Variants in ALK observed in about 807,000 individuals in gnomAD.
ALK encodes ALK receptor tyrosine kinase.
A neutral mutation model predicts 163.1 loss-of-function variants in ALK; 74 were observed. That is an observed-to-expected ratio of 0.45 (90% CI 0.38 to 0.55). ALK has a LOEUF of 0.55. ALK is among the 20% of genes least tolerant of loss of function. The probability of loss-of-function intolerance (pLI) is 0.00; values close to 1 mark genes in which losing one functional copy is unlikely to be tolerated. For synonymous variants in ALK, 960 were observed against 843.2 expected (o/e 1.14, Z -2.40); for missense variants, 2,063 against 2,105.3 (o/e 0.98, Z 0.39).
chr2:29,744,013 A>G (rs1031635641), intron 1 of ALK, among the ~76,000 whole-genome samples: 2 of 151,980 alleles, frequency 1.3e-5, no homozygotes, highest in African/African-American at 4.8e-5. Flanking sequence ...AGGCTCTCAG[A>G]GAACATTGGG....
chr2:29,722,192 T>G (rs1006859962), intron 1 of ALK, among the ~76,000 whole-genome samples: 3 of 152,228 alleles, frequency 2.0e-5, no homozygotes, highest in African/African-American at 7.2e-5. Context: ...AGGAAACGTC[T>G]CCTTTTCCGG....
intron 3 of ALK, among the ~76,000 whole-genome samples, chr2:29,690,300 A>G (rs764616139): frequency 9.2e-5 from 14 of 152,138 alleles, no homozygotes; most frequent in Non-Finnish European, 1.9e-4. Flanking sequence ...GCACAACAAA[A>G]CAAAGCAAAA....
intron 9 of ALK, among the ~76,000 whole-genome samples, chr2:29,288,352 C>T (rs990758711): frequency 3.3e-5 from 5 of 152,180 alleles, no homozygotes; most frequent in African/African-American, 9.7e-5. Flanking sequence ...GGGTCCTGAC[C>T]ACACACCCAT....
At chr2:29,615,520 G>A (rs1258733481) in intron 3 of ALK, among the ~76,000 whole-genome samples, 1 of 152,214 alleles carries the variant, frequency 6.6e-6, no homozygotes, top group Non-Finnish European at 1.5e-5. Flanking sequence ...CTTCGAGATA[G>A]TGTCGAACTC....
At chr2:29,623,779 A>C (rs189726885) in intron 3 of ALK, among the ~76,000 whole-genome samples, 1 of 152,254 alleles carries the variant, frequency 6.6e-6, no homozygotes, top group Admixed American at 6.5e-5. Context: ...TTCTTAGTCT[A>C]TATTTCAACA....
chr2:29,858,062 T>C (rs1558521294), intron 1 of ALK, among the ~76,000 whole-genome samples: 1 of 7,382 alleles, frequency 1.4e-4, no homozygotes, highest in Admixed American at 1.1e-3. Flanking sequence ...TGTGTGCATG[T>C]GTGTGTGTGT....
chr2:29,376,963 T>A (rs1668767725), intron 5 of ALK, among the ~76,000 whole-genome samples: 1 of 152,154 alleles, frequency 6.6e-6, no homozygotes, highest in Admixed American at 6.5e-5. Context: ...TGCTACCCAT[T>A]TTTTCCTGGA....
At chr2:29,692,812 G>C (rs1024615114) in intron 3 of ALK, among the ~76,000 whole-genome samples, 3 of 152,206 alleles carry the variant, frequency 2.0e-5, no homozygotes, top group African/African-American at 7.2e-5. Context: ...CAATTGTGTT[G>C]ATGGCAATAG....
intron 3 of ALK, among the ~76,000 whole-genome samples, chr2:29,577,384 T>C (rs1293222379): frequency 1.3e-5 from 2 of 152,068 alleles, no homozygotes; most frequent in African/African-American, 4.8e-5. Flanking sequence ...AGTCACTTCC[T>C]CCCCTCCCTC....
rs145363210 is a variant in ALK at position 29,819,735 on chromosome 2, T to C, written c.667+100258A>G. On this transcript the variant is annotated intron_variant, in intron 1 of 28. Coordinates refer to ENST00000389048, the MANE Select transcript of ALK (RefSeq NM_004304.5). The stretch of plus-strand genomic sequence containing the variant: ...TTTGTTTGTTTTTGTTCTTATTTGC[T>C]GAAAGGACTTTGTTCTGAATGTTTC... Among the ~76,000 whole-genome samples the C allele has an allele frequency of 1.8e-3, 276 of 152,366 alleles. 3 individuals carry two copies. Among genetic ancestry groups the C allele is most frequent in the African/African-American group, 6.5e-3 (269 of 41,580 alleles).
intron 1 of ALK, among the ~76,000 whole-genome samples, chr2:29,908,336 T>C (rs976928668): frequency 3.3e-5 from 5 of 151,858 alleles, no homozygotes; most frequent in African/African-American, 1.2e-4. Context: ...TCTGTCTCTC[T>C]GTCTCTCCTT....
chr2:29,202,561 A>G (rs1558610375), intron 26 of ALK, among the ~76,000 whole-genome samples: 1 of 152,254 alleles, frequency 6.6e-6, no homozygotes, highest in African/African-American at 2.4e-5. Flanking sequence ...TATGTTTCAC[A>G]TTTTTAAACA....
At chr2:29,394,541 G>A (rs1669257548) in intron 4 of ALK, among the ~76,000 whole-genome samples, 1 of 152,234 alleles carries the variant, frequency 6.6e-6, no homozygotes, top group Non-Finnish European at 1.5e-5. Flanking sequence ...TGAGAGGGGA[G>A]AGAGTGTGGA....
At chr2:29,507,186 T>C (rs1672351459) in intron 4 of ALK, among the ~76,000 whole-genome samples, 1 of 152,198 alleles carries the variant, frequency 6.6e-6, no homozygotes, top group African/African-American at 2.4e-5. Context: ...TGGAATATTA[T>C]TCAGCATTAA....
At chr2:29,679,524 C>A (rs2631990) in intron 3 of ALK, among the ~76,000 whole-genome samples, 2 of 151,348 alleles carry the variant, frequency 1.3e-5, no homozygotes, top group East Asian at 1.9e-4. Context: ...AAAATTACAA[C>A]ATGCATCTTA....
intron 1 of ALK, among the ~76,000 whole-genome samples, chr2:29,916,167 C>G (rs926675756): frequency 6.6e-6 from 1 of 152,174 alleles, no homozygotes; most frequent in Non-Finnish European, 1.5e-5. Context: ...TCACCTGACT[C>G]CCCACTCCAT....
intron 4 of ALK, among the ~76,000 whole-genome samples, chr2:29,455,291 A>G (rs1024761801): frequency 6.6e-6 from 1 of 152,152 alleles, no homozygotes; most frequent in Non-Finnish European, 1.5e-5. Context: ...AGTGGAATCA[A>G]TGAAGGCATT....
At chr2:29,771,517 C>T (rs1050878610) in intron 1 of ALK, among the ~76,000 whole-genome samples, 5 of 152,080 alleles carry the variant, frequency 3.3e-5, no homozygotes, top group African/African-American at 9.7e-5. Context: ...CTATGACTTG[C>T]ACCCTGGAAT....
chr2:29,210,775 A>G (rs1019241849), intron 24 of ALK, among the ~76,000 whole-genome samples: 2 of 152,212 alleles, frequency 1.3e-5, no homozygotes, highest in East Asian at 1.9e-4. Flanking sequence ...GCTAAGCTAC[A>G]TGGCTGAAGA....
Sources: allele counts gnomAD v4.1 joint callset (sites outside exome capture counted in the v4.1 genomes callset), GRCh38; gene constraint gnomAD v4.1.1; transcripts MANE v1.5; gene names NCBI Gene and HGNC (gene_info 2026-07-23, HGNC 2026-07-21).